The following MYO16 variants were observed in gnomAD, a reference collection of about 807,000 sequenced individuals.
The protein encoded by MYO16 is unconventional myosin-XVI.
A neutral mutation model predicts 205.3 loss-of-function variants in MYO16; 94 were observed. That is an observed-to-expected ratio of 0.46 (90% CI 0.39 to 0.54). The LOEUF (loss-of-function observed/expected upper bound fraction) is 0.54, where lower values mean the gene tolerates loss of function less well. MYO16 is among the 20% of genes least tolerant of loss of function. MYO16 has a pLI of 0.00. For missense variants in MYO16, 2,315 were observed against 2,387.5 expected, an observed-to-expected ratio of 0.97 and a Z score of 0.63; for synonymous variants, 988 against 954.0, an observed-to-expected ratio of 1.04 and a Z score of -0.66.
At chr13:108,819,159 G>C (rs1257459409) in intron 7 of MYO16, among the ~76,000 whole-genome samples, 2 of 152,126 alleles carry the variant, frequency 1.3e-5, no homozygotes, top group African/African-American at 4.8e-5. Flanking sequence ...AGATATAAAT[G>C]AGAATACTTA....
chr13:108,776,674 G>A (rs750855801), intron 4 of MYO16, among the ~76,000 whole-genome samples: 41 of 152,158 alleles, frequency 2.7e-4, no homozygotes, highest in Non-Finnish European at 4.4e-4. Flanking sequence ...AGACACACTG[G>A]CCATTTTGCA....
the MYO16 span, among the ~76,000 whole-genome samples, chr13:108,503,674 G>A: frequency 6.6e-6 from 1 of 152,264 alleles, no homozygotes. Context: ...TAGGTCAGAT[G>A]AGCTGCATAA....
intron 14 of MYO16, among the ~76,000 whole-genome samples, chr13:108,891,577 A>G (rs1338014766): frequency 6.6e-6 from 1 of 152,262 alleles, no homozygotes; most frequent in Non-Finnish European, 1.5e-5. Context: ...TACACATCAT[A>G]GGCCATGTTA....
intron 1 of MYO16, among the ~76,000 whole-genome samples, chr13:108,650,903 AT>A (rs1566528764): frequency 6.6e-6 from 1 of 152,168 alleles, no homozygotes; most frequent in Non-Finnish European, 1.5e-5. Flanking sequence ...AAAGGGCCAG[AT>A]TTTTTAGAGA....
At chr13:108,606,055 C>A (rs748075405) in intron 1 of MYO16, among the ~76,000 whole-genome samples, 39 of 152,166 alleles carry the variant, frequency 2.6e-4, no homozygotes, top group Non-Finnish European at 4.6e-4. Context: ...AGACTGATGG[C>A]ATTTTTCCCC....
chr13:108,971,645 C>T (rs952355211), intron 20 of MYO16, among the ~76,000 whole-genome samples: 4 of 151,614 alleles, frequency 2.6e-5, no homozygotes, highest in Non-Finnish European at 5.9e-5. Flanking sequence ...ATCATTTTTT[C>T]ACTAAGCCTT....
rs200082855 is a variant in MYO16, at chr13:108,637,868, G to GATTAATTA, written c.28+8014_28+8021dup. Reference sequence around the variant, plus strand: ...CGAGCCTGGGCAACACAAATAAATAGATTAATTAATTAATTAATTAATTAA... The same window carrying GATTAATTA: ...CGAGCCTGGGCAACACAAATAAATAGATTAATTAATTAATTAATTAATTAATTAATTAA... On this transcript the variant is annotated intron_variant, in intron 1 of 34. Coordinates refer to ENST00000457511, the MANE Select transcript of MYO16 (RefSeq NM_001198950.3). 4.2e-4 allele frequency among the ~76,000 whole-genome samples: 63 copies of GATTAATTA among 151,588 alleles called. 1 individual carries two copies. The highest frequency in any genetic ancestry group is 3.0e-3 in the Admixed American group (46 of 15,216).
Position 108,957,807 on chromosome 13 carries a change from A to C in MYO16, c.2037+8A>C. 1 of 1,590,998 alleles carries C rather than the reference A, an allele frequency of 6.3e-7. No individual in the cohort carries two copies. The highest frequency in any genetic ancestry group is 1.7e-4 in the Middle Eastern group (1 of 6,018). ...GTTGGCTTCAGCAGCTTGGTGAGTC[A>C]TGTCATAAATATTTCACTGAGAAAA... On this transcript the variant is annotated splice_region_variant and intron_variant, in intron 17 of 34. Coordinates refer to ENST00000457511, the MANE Select transcript of MYO16 (RefSeq NM_001198950.3).
the MYO16 span, among the ~76,000 whole-genome samples, chr13:108,574,893 G>A: frequency 6.6e-6 from 1 of 151,990 alleles, no homozygotes; most frequent in African/African-American, 2.4e-5. Flanking sequence ...ATTATAAGGT[G>A]TACTGACACA....
the MYO16 span, among the ~76,000 whole-genome samples, chr13:108,562,761 G>A: frequency 6.6e-6 from 1 of 152,134 alleles, no homozygotes; most frequent in Non-Finnish European, 1.5e-5. Context: ...AAAGTATTTA[G>A]TATAGTGCAT....
intron 12 of MYO16, among the ~76,000 whole-genome samples, chr13:108,867,865 G>C (rs953833038): frequency 6.6e-6 from 1 of 152,050 alleles, no homozygotes; most frequent in Non-Finnish European, 1.5e-5. Flanking sequence ...AACTACTCTC[G>C]CCCTCCGCTT....
chr13:108,834,638 ACTCT>A (rs67472762), intron 9 of MYO16, among the ~76,000 whole-genome samples: 3,240 of 90,214 alleles, frequency 0.036, 44 homozygotes, highest in Admixed American at 0.058. Flanking sequence ...TCAGTCTTGT[ACTCT>A]CTCTCTCTCT....
the MYO16 span, among the ~76,000 whole-genome samples, chr13:108,589,430 C>T: frequency 2.6e-5 from 4 of 151,912 alleles, no homozygotes; most frequent in Non-Finnish European, 4.4e-5. Flanking sequence ...TATAAAATAC[C>T]AGTATTTATT....
chr13:108,502,370 G>A, the MYO16 span, among the ~76,000 whole-genome samples: 7 of 152,092 alleles, frequency 4.6e-5, no homozygotes, highest in African/African-American at 1.4e-4. Context: ...TAGCATGATC[G>A]ACATAATTTT....
At chr13:108,563,295 C>G in the MYO16 span, among the ~76,000 whole-genome samples, 1 of 152,054 alleles carries the variant, frequency 6.6e-6, no homozygotes, top group Non-Finnish European at 1.5e-5. Context: ...AGTTAGGTCT[C>G]CATCCCCTCA....
chr13:108,916,165 T>C (rs1566409610), intron 16 of MYO16, among the ~76,000 whole-genome samples: 1 of 152,204 alleles, frequency 6.6e-6, no homozygotes, highest in Non-Finnish European at 1.5e-5. Flanking sequence ...TTTCACCAGA[T>C]TCTCACAGAC....
intron 9 of MYO16, among the ~76,000 whole-genome samples, chr13:108,840,669 CT>C (rs1270507495): frequency 2.0e-5 from 3 of 152,168 alleles, no homozygotes; most frequent in African/African-American, 7.2e-5. Flanking sequence ...TCCTGAGTAG[CT>C]GGGACTACAG....
At chr13:109,080,859 G>A (rs920134671) in intron 27 of MYO16, among the ~76,000 whole-genome samples, 2 of 152,116 alleles carry the variant, frequency 1.3e-5, no homozygotes, top group Non-Finnish European at 2.9e-5. Flanking sequence ...AGTACTGTGT[G>A]ACCATTTATC....
chr13:108,897,952 A>T (rs1359078153), intron 14 of MYO16, 64 bp from the exon 15 acceptor site: 2 of 1,237,218 alleles, frequency 1.6e-6, no homozygotes, highest in Non-Finnish European at 2.4e-6. Context: ...CATCGTCGCT[A>T]TTACTCATCA....
Sources: gnomAD v4.1 joint callset for allele counts (sites outside exome capture counted in the v4.1 genomes callset) on GRCh38, gnomAD v4.1.1 for gene constraint, MANE v1.5 for transcripts, NCBI Gene and HGNC (gene_info 2026-07-23, HGNC 2026-07-21) for gene names.